MAP3K7CL: variants seen among roughly 807,000 people sequenced by gnomAD.
MAP3K7CL encodes MAP3K7 C-terminal-like protein.
In MAP3K7CL, 16 loss-of-function variants were observed where a neutral mutation model predicts 18.6. The ratio of observed to expected loss-of-function variants is 0.86; its 90% confidence interval spans 0.58 to 1.31. MAP3K7CL has a LOEUF of 1.31. MAP3K7CL is among the 50% of genes most tolerant of loss of function. The pLI is 0.00. For synonymous variants in MAP3K7CL, 65 were observed against 66.8 expected, an observed-to-expected ratio of 0.97 and a Z score of 0.13; for missense variants, 163 against 174.4, an observed-to-expected ratio of 0.93 and a Z score of 0.37.
chr21:29,095,096 G>A (rs1274835957), intron 4 of MAP3K7CL, among the ~76,000 whole-genome samples: 5 of 139,066 alleles, frequency 3.6e-5, no homozygotes, highest in Non-Finnish European at 7.7e-5. Flanking sequence ...GAAGGGAGCA[G>A]AGGAGAGGGG....
chr21:29,147,561 T>A (rs1381103569), intron 2 of MAP3K7CL, among the ~76,000 whole-genome samples: 1 of 151,884 alleles, frequency 6.6e-6, no homozygotes, highest in Non-Finnish European at 1.5e-5. Flanking sequence ...GTATCTGTAT[T>A]GTATATGTAT....
chr21:29,136,768 G>A (rs549416761), intron 2 of MAP3K7CL, among the ~76,000 whole-genome samples: 9 of 152,200 alleles, frequency 5.9e-5, no homozygotes, highest in East Asian at 3.9e-4. Context: ...CAATCGGCCC[G>A]CCTCAGCCTC....
At chr21:29,135,956 G>A (rs896147113) in intron 2 of MAP3K7CL, among the ~76,000 whole-genome samples, 4 of 152,064 alleles carry the variant, frequency 2.6e-5, no homozygotes, top group African/African-American at 9.7e-5. Flanking sequence ...GAGAACCTAG[G>A]GCAGGAGCTG....
chr21:29,125,705 G>A (rs1456622494), upstream of MAP3K7CL, among the ~76,000 whole-genome samples: 2 of 152,232 alleles, frequency 1.3e-5, no homozygotes, highest in African/African-American at 2.4e-5. Flanking sequence ...ATTGCCCTAC[G>A]AGAAGGTTTG....
chr21:29,080,353 A>G (rs1399200274), intron 1 of MAP3K7CL, among the ~76,000 whole-genome samples: 1 of 152,248 alleles, frequency 6.6e-6, no homozygotes, highest in East Asian at 1.9e-4. Context: ...TGGTAGGAAA[A>G]CAAAGCCTAT....
intron 3 of MAP3K7CL, chr21:29,092,217 T>C (rs1427775411): frequency 5.8e-6 from 3 of 517,316 alleles, no homozygotes; most frequent in Non-Finnish European, 1.0e-5. Flanking sequence ...GAGTGGTTTC[T>C]CTGTTGAACA....
At chr21:29,100,141 G>T (rs959387216) in intron 4 of MAP3K7CL, among the ~76,000 whole-genome samples, 1 of 151,178 alleles carries the variant, frequency 6.6e-6, no homozygotes, top group Non-Finnish European at 1.5e-5. Context: ...TGTCCTCTGA[G>T]CGGCAGCCCG....
intron 2 of MAP3K7CL, among the ~76,000 whole-genome samples, chr21:29,136,704 A>G (rs1350762940): frequency 1.3e-5 from 2 of 151,944 alleles, no homozygotes; most frequent in African/African-American, 4.8e-5. Flanking sequence ...TATTTTTAGT[A>G]GAGACGGGGT....
chr21:29,150,694 T>C (rs1260970651), intron 3 of MAP3K7CL, among the ~76,000 whole-genome samples: 1 of 151,000 alleles, frequency 6.6e-6, no homozygotes, highest in Non-Finnish European at 1.5e-5. Flanking sequence ...CCATAGTCTC[T>C]CCCTTCCCCA....
At chr21:29,173,483 C>T (rs748641077) in intron 4 of MAP3K7CL, among the ~76,000 whole-genome samples, 1 of 152,170 alleles carries the variant, frequency 6.6e-6, no homozygotes, top group East Asian at 1.9e-4. Flanking sequence ...CAGTACAAAG[C>T]CTTCCCTTTG....
intron 2 of MAP3K7CL, among the ~76,000 whole-genome samples, chr21:29,137,353 A>G (rs2086908198): frequency 6.6e-6 from 1 of 152,172 alleles, no homozygotes; most frequent in African/African-American, 2.4e-5. Flanking sequence ...GGTGGGTGGG[A>G]TGTGCAAAAG....
chr21:29,147,548 A>G lies in MAP3K7CL; in HGVS notation c.71-1641A>G, dbSNP rs1033405317. On this transcript the variant is annotated intron_variant, in intron 2 of 4. Coordinates refer to ENST00000399928, the MANE Select transcript of MAP3K7CL (RefSeq NM_001286620.2). ...ATCTCTATTATATATGTATATGTGT[A>G]CTGTATCTGTATTGTATATGTATGT... 2.0e-5 allele frequency among the ~76,000 whole-genome samples: 3 copies of G among 151,704 alleles called. No individual in the cohort carries two copies. In the South Asian group the frequency reaches 6.2e-4, roughly 32 times the overall value.
chr21:29,092,718 C>T (rs3746845), intron 4 of MAP3K7CL: 780,292 of 886,230 alleles, frequency 0.88, 345,600 homozygotes, highest in African/African-American at 0.97. Context: ...GGCTCTACGA[C>T]GTGCTGGGTG....
Position 29,159,954 on chromosome 21 carries a change from G to A in MAP3K7CL, c.146G>A (p.Cys49Tyr), listed in dbSNP as rs747399781. Residue 49 changes from cysteine to tyrosine, a missense_variant, in exon 4 of 5, where the codon TGT becomes TAT. By Grantham distance (194) the Cys-to-Tyr change is radical. Coordinates refer to ENST00000399928, the MANE Select transcript of MAP3K7CL (RefSeq NM_001286620.2). ...TTGTTTGTGAAGCCCCTGCCGCCTT[G>A]TCATGACTCCGAGGAATCCATGGAG... ...LDQQLQPLPP[C>Y]HDSEESMEVF... The A allele has an allele frequency of 6.2e-6, 10 of 1,613,762 alleles. No homozygotes were observed. In the South Asian group the frequency reaches 1.1e-4, roughly 18 times the overall value.
intron 4 of MAP3K7CL, among the ~76,000 whole-genome samples, chr21:29,169,458 T>C (rs2087770986): frequency 6.6e-6 from 1 of 152,238 alleles, no homozygotes; most frequent in Admixed American, 6.5e-5. Context: ...TGCGTATGAA[T>C]GCTTTTACTC....
At chr21:29,137,715 C>T (rs558328152) in intron 2 of MAP3K7CL, among the ~76,000 whole-genome samples, 1 of 152,172 alleles carries the variant, frequency 6.6e-6, no homozygotes, top group African/African-American at 2.4e-5. Context: ...GTGTTGTCTA[C>T]CGAGCCCTGC....
At chr21:29,154,902 A>G (rs941218966) in intron 3 of MAP3K7CL, among the ~76,000 whole-genome samples, 3 of 152,134 alleles carry the variant, frequency 2.0e-5, no homozygotes, top group African/African-American at 7.2e-5. Flanking sequence ...GTTTGTTTTG[A>G]GAAGCTCAGT....
chr21:29,106,186 G>A (rs570621372), intron 4 of MAP3K7CL, among the ~76,000 whole-genome samples: 3 of 152,074 alleles, frequency 2.0e-5, no homozygotes, highest in South Asian at 4.2e-4. Flanking sequence ...CTAAGAAAAC[G>A]GCACTTTTTT....
Position 29,145,479 on chromosome 21 carries a change from T to C in MAP3K7CL, c.71-3710T>C, listed in dbSNP as rs537505940. 3.9e-5 allele frequency: 6 copies of C among 152,380 alleles called. No individual in the cohort carries two copies. In the East Asian group the frequency reaches 1.2e-3, roughly 29 times the overall value. The allele number at this position is 152,380 out of a possible 1,614,324, so 9.4% of individuals were successfully genotyped here. A position where few individuals can be genotyped will look rare whatever the true frequency, so the allele number is the denominator to read the frequency against. Reference sequence around the variant, plus strand: ...ACAAGTCAGCATGAGTCATTTTCCTTCTTTCCTTTTGGCCCAATCCAGTGA... The same window carrying C: ...ACAAGTCAGCATGAGTCATTTTCCTCCTTTCCTTTTGGCCCAATCCAGTGA... On this transcript the variant is annotated intron_variant, in intron 2 of 4. Coordinates refer to ENST00000399928, the MANE Select transcript of MAP3K7CL (RefSeq NM_001286620.2).
Sources: allele counts gnomAD v4.1 joint callset (sites outside exome capture counted in the v4.1 genomes callset), GRCh38; gene constraint gnomAD v4.1.1; transcripts MANE v1.5; gene names NCBI Gene and HGNC (gene_info 2026-07-23, HGNC 2026-07-21).